DOK6: variants seen among roughly 807,000 people sequenced by gnomAD.
The protein encoded by DOK6 is docking protein 6.
Under a neutral mutation model 44.0 loss-of-function variants are expected in DOK6, and 22 were observed. The observed-to-expected ratio is 0.50, with a 90% CI of 0.36 to 0.71. The LOEUF (loss-of-function observed/expected upper bound fraction) is 0.71, where lower values mean the gene tolerates loss of function less well. Ranked by LOEUF, DOK6 falls within the 30% of genes least tolerant of loss-of-function variation. The pLI, the probability that DOK6 is intolerant of heterozygous loss-of-function variation, is 0.00. For synonymous variants in DOK6, 166 were observed against 145.5 expected, an observed-to-expected ratio of 1.14 and a Z score of -1.01; for missense variants, 340 against 416.4, an observed-to-expected ratio of 0.82 and a Z score of 1.60.
intron 1 of DOK6, among the ~76,000 whole-genome samples, chr18:69,562,690 A>G (rs1364312666): frequency 6.6e-6 from 1 of 152,218 alleles, no homozygotes; most frequent in Non-Finnish European, 1.5e-5. Context: ...CTAAAACCAT[A>G]AAAACCCTAG....
At chr18:69,533,916 GAGAT>G (rs576527062) in intron 1 of DOK6, among the ~76,000 whole-genome samples, 7 of 151,982 alleles carry the variant, frequency 4.6e-5, no homozygotes, top group East Asian at 1.9e-4. Context: ...TCTTTAGATA[GAGAT>G]AGATAGATAG....
chr18:69,496,368 C>G (rs945328469), intron 1 of DOK6, among the ~76,000 whole-genome samples: 15 of 152,360 alleles, frequency 9.8e-5, no homozygotes, highest in African/African-American at 3.4e-4. Flanking sequence ...AGGGGCGGGG[C>G]TCCCACTTGT....
chr18:69,720,954 T>C (rs1412536871), intron 5 of DOK6, among the ~76,000 whole-genome samples: 3 of 152,194 alleles, frequency 2.0e-5, no homozygotes, highest in Non-Finnish European at 4.4e-5. Flanking sequence ...AAATGCCTTA[T>C]ATACAGCCCA....
At chr18:69,535,236 A>G (rs1159978041) in intron 1 of DOK6, among the ~76,000 whole-genome samples, 1 of 152,100 alleles carries the variant, frequency 6.6e-6, no homozygotes, top group African/African-American at 2.4e-5. Context: ...TCTTCATAAT[A>G]GTCTTAATAG....
chr18:69,501,355 AAG>A (rs1981045196), intron 1 of DOK6, among the ~76,000 whole-genome samples: 1 of 152,130 alleles, frequency 6.6e-6, no homozygotes, highest in Non-Finnish European at 1.5e-5. Context: ...CAGTTTTCAA[AAG>A]TTATACTATT....
At chr18:69,586,881 T>G (rs995825319) in intron 2 of DOK6, among the ~76,000 whole-genome samples, 5 of 151,972 alleles carry the variant, frequency 3.3e-5, no homozygotes, top group African/African-American at 1.2e-4. Flanking sequence ...GGAGGCACAT[T>G]AGAGAGCTGT....
chr18:69,703,900 T>C (rs1268962161), intron 5 of DOK6, among the ~76,000 whole-genome samples: 1 of 152,200 alleles, frequency 6.6e-6, no homozygotes, highest in African/African-American at 2.4e-5. Context: ...GGTGGGGTCC[T>C]AATCTGATTG....
chr18:69,725,434 C>G (rs1470463106), intron 5 of DOK6, among the ~76,000 whole-genome samples: 1 of 152,192 alleles, frequency 6.6e-6, no homozygotes, highest in Non-Finnish European at 1.5e-5. Context: ...TAGTTTGAAA[C>G]TTAAATATGC....
intron 1 of DOK6, among the ~76,000 whole-genome samples, chr18:69,535,577 A>G (rs11664179): frequency 2.2e-4 from 27 of 121,310 alleles, no homozygotes; most frequent in South Asian, 1.6e-3. Flanking sequence ...TTGAATATAT[A>G]TATGTGATTC....
At chr18:69,647,902 CAGGACCCTGCT>C in intron 3 of DOK6, among the ~76,000 whole-genome samples, 1 of 152,224 alleles carries the variant, frequency 6.6e-6, no homozygotes, top group East Asian at 1.9e-4. Flanking sequence ...ATATGTTAAA[CAGGACCCTGCT>C]AGTGAAGGCT....
intron 1 of DOK6, among the ~76,000 whole-genome samples, chr18:69,438,996 T>G (rs1421087329): frequency 1.3e-5 from 2 of 152,036 alleles, no homozygotes; most frequent in Non-Finnish European, 2.9e-5. Flanking sequence ...TTCTGGAGCC[T>G]GGGAGATGGA....
intron 1 of DOK6, among the ~76,000 whole-genome samples, chr18:69,472,682 G>A (rs1322960706): frequency 6.6e-6 from 1 of 151,706 alleles, no homozygotes; most frequent in South Asian, 2.1e-4. Flanking sequence ...ACACAAGCAC[G>A]CACACACATG....
chr18:69,710,609 T>C (rs947306779), intron 5 of DOK6, among the ~76,000 whole-genome samples: 1 of 152,208 alleles, frequency 6.6e-6, no homozygotes, highest in Non-Finnish European at 1.5e-5. Context: ...GAGGAGATAT[T>C]AGATTACAAA....
chr18:69,620,792 T>C (rs1202795014), intron 3 of DOK6, among the ~76,000 whole-genome samples: 1 of 152,236 alleles, frequency 6.6e-6, no homozygotes, highest in African/African-American at 2.4e-5. Context: ...CTATTCATAA[T>C]TGAGGCACGC....
chr18:69,442,540 C>G (rs994500841), intron 1 of DOK6, among the ~76,000 whole-genome samples: 1 of 152,156 alleles, frequency 6.6e-6, no homozygotes. Flanking sequence ...CCCCCATGAT[C>G]TAATCACCTC....
At chr18:69,802,504 C>T (rs1002634716) in intron 7 of DOK6, among the ~76,000 whole-genome samples, 73 of 152,032 alleles carry the variant, frequency 4.8e-4, no homozygotes, top group African/African-American at 1.7e-3. Context: ...TGTTTTGTCA[C>T]CTCCAAATCT....
At chr18:69,492,826 T>C (rs1376192672) in intron 1 of DOK6, among the ~76,000 whole-genome samples, 4 of 150,100 alleles carry the variant, frequency 2.7e-5, no homozygotes, top group Non-Finnish European at 5.9e-5. Context: ...TTGGTGGGCT[T>C]TTTTATAGCT....
At chr18:69,658,015 G>C (rs932426394) in intron 3 of DOK6, among the ~76,000 whole-genome samples, 2 of 152,162 alleles carry the variant, frequency 1.3e-5, no homozygotes, top group Non-Finnish European at 2.9e-5. Flanking sequence ...GCAGTGGCAT[G>C]ATCATGGCTC....
chr18:69,733,758 T>TTAATG (rs1978499379), intron 5 of DOK6, among the ~76,000 whole-genome samples: 4 of 152,128 alleles, frequency 2.6e-5, no homozygotes, highest in Non-Finnish European at 5.9e-5. Flanking sequence ...CATTAAAAAA[T>TTAATG]TAATGTGTGT....
Sources: gnomAD v4.1 joint callset for allele counts (sites outside exome capture counted in the v4.1 genomes callset) on GRCh38, gnomAD v4.1.1 for gene constraint, MANE v1.5 for transcripts, NCBI Gene and HGNC (gene_info 2026-07-23, HGNC 2026-07-21) for gene names.